ERBB4: variants seen among roughly 807,000 people sequenced by gnomAD.
ERBB4 encodes the protein receptor tyrosine-protein kinase erbB-4.
A neutral mutation model predicts 158.0 loss-of-function variants in ERBB4; 42 were observed. The observed-to-expected ratio is 0.27, with a 90% CI of 0.21 to 0.34. The LOEUF is 0.34. ERBB4 is among the 10% of genes least tolerant of loss of function. The pLI is 1.00. For synonymous variants in ERBB4, 583 were observed against 558.7 expected (o/e 1.04, Z -0.61); for missense variants, 1,333 against 1,624.1 (o/e 0.82, Z 3.08).
intron 2 of ERBB4, among the ~76,000 whole-genome samples, chr2:212,037,731 A>C (rs1010267551): frequency 1.3e-5 from 2 of 152,190 alleles, no homozygotes; most frequent in African/African-American, 4.8e-5. Context: ...TTTTGAAGTC[A>C]GGGGAAGGGA....
chr2:211,702,557 TTATG>T (rs1366479238), intron 11 of ERBB4, among the ~76,000 whole-genome samples: 1 of 152,164 alleles, frequency 6.6e-6, no homozygotes, highest in East Asian at 1.9e-4. Context: ...TAATTCCTCT[TTATG>T]TAATAGATTT....
At chr2:212,130,248 T>G (rs2080070260) in intron 1 of ERBB4, among the ~76,000 whole-genome samples, 1 of 152,152 alleles carries the variant, frequency 6.6e-6, no homozygotes, top group Non-Finnish European at 1.5e-5. Flanking sequence ...AATTTACATG[T>G]GATCCCTAAA....
chr2:211,831,247 C>A (rs1328293146), intron 3 of ERBB4, among the ~76,000 whole-genome samples: 1 of 152,108 alleles, frequency 6.6e-6, no homozygotes, highest in Non-Finnish European at 1.5e-5. Context: ...GCTACTGGGA[C>A]AACAAAGGCA....
At chr2:211,394,289 C>G (rs2062865777) in intron 25 of ERBB4, among the ~76,000 whole-genome samples, 1 of 152,282 alleles carries the variant, frequency 6.6e-6, no homozygotes, top group African/African-American at 2.4e-5. Context: ...AGATAAGCAA[C>G]AAGAATTGTG....
At chr2:211,442,694 CGT>C (rs1288573191) in intron 20 of ERBB4, among the ~76,000 whole-genome samples, 1 of 145,820 alleles carries the variant, frequency 6.9e-6, no homozygotes, top group African/African-American at 2.6e-5. Context: ...TATATGTATA[CGT>C]GTGTATATAT....
chr2:211,468,301 TACA>T (rs1477579018), intron 20 of ERBB4, among the ~76,000 whole-genome samples: 1 of 152,066 alleles, frequency 6.6e-6, no homozygotes, highest in Non-Finnish European at 1.5e-5. Flanking sequence ...AGAAGGAAAA[TACA>T]ACACTGCCAC....
intron 2 of ERBB4, among the ~76,000 whole-genome samples, chr2:212,114,006 GCTTA>G (rs2079500358): frequency 6.6e-6 from 1 of 151,994 alleles, no homozygotes; most frequent in African/African-American, 2.4e-5. Context: ...TATAAAATTT[GCTTA>G]CTTATTTATT....
At chr2:211,685,503 A>G (rs1195539342) in intron 12 of ERBB4, among the ~76,000 whole-genome samples, 4 of 152,214 alleles carry the variant, frequency 2.6e-5, no homozygotes, top group Non-Finnish European at 2.9e-5. Context: ...CCAATAACAC[A>G]CAGCCTTAAT....
intron 1 of ERBB4, among the ~76,000 whole-genome samples, chr2:212,334,999 T>G (rs2088359794): frequency 6.6e-6 from 1 of 151,984 alleles, no homozygotes; most frequent in Non-Finnish European, 1.5e-5. Flanking sequence ...AAAAATATAT[T>G]TTAAAGAAAA....
At chr2:212,350,154 T>C (rs1431028020) in intron 1 of ERBB4, among the ~76,000 whole-genome samples, 1 of 152,146 alleles carries the variant, frequency 6.6e-6, no homozygotes, top group African/African-American at 2.4e-5. Flanking sequence ...AAAAGTGCTA[T>C]AATCAAAGTA....
chr2:211,709,272 T>TAC (rs1553615201), intron 9 of ERBB4, among the ~76,000 whole-genome samples: 5 of 141,072 alleles, frequency 3.5e-5, no homozygotes, highest in African/African-American at 8.3e-5. Flanking sequence ...TATATATATA[T>TAC]ATACATACAT....
chr2:212,221,683 T>A (rs2083295200), intron 1 of ERBB4, among the ~76,000 whole-genome samples: 2 of 151,428 alleles, frequency 1.3e-5, no homozygotes, highest in South Asian at 4.1e-4. Context: ...GGAAAAATAA[T>A]CCATTTGAAA....
At chr2:212,102,090 T>TTTTATA (rs1553558604) in intron 2 of ERBB4, among the ~76,000 whole-genome samples, 7 of 107,978 alleles carry the variant, frequency 6.5e-5, no homozygotes, top group Admixed American at 2.0e-4. Context: ...AAAATTTATT[T>TTTTATA]TATATATATA....
chr2:211,443,037 C>T (rs999826169), intron 20 of ERBB4, among the ~76,000 whole-genome samples: 3 of 151,790 alleles, frequency 2.0e-5, no homozygotes, highest in Non-Finnish European at 2.9e-5. Flanking sequence ...AAATAATAGT[C>T]GATTGATTGA....
intron 7 of ERBB4, among the ~76,000 whole-genome samples, chr2:211,717,880 T>C (rs2073973268): frequency 6.6e-6 from 1 of 152,172 alleles, no homozygotes; most frequent in Non-Finnish European, 1.5e-5. Context: ...TCTTCGATTG[T>C]TATAATGGCT....
chr2:211,752,491 G>GAAAAAA (rs369728330), intron 4 of ERBB4, among the ~76,000 whole-genome samples: 3 of 119,508 alleles, frequency 2.5e-5, no homozygotes, highest in Non-Finnish European at 5.2e-5. Context: ...TACCTAACTG[G>GAAAAAA]AAAAAAAAAA....
chr2:212,051,572 CAACA>C (rs2077400664), intron 2 of ERBB4, among the ~76,000 whole-genome samples: 1 of 152,066 alleles, frequency 6.6e-6, no homozygotes, highest in Non-Finnish European at 1.5e-5. Flanking sequence ...AAGCAAATGA[CAACA>C]AAAATACTTT....
At chr2:211,787,892 G>T (rs531975140) in intron 4 of ERBB4, 133 bp downstream of exon 4, 25 of 807,796 alleles carry the variant, frequency 3.1e-5, no homozygotes, top group East Asian at 1.6e-4. Flanking sequence ...CATTTGTTCT[G>T]CCATATATAA....
intron 1 of ERBB4, among the ~76,000 whole-genome samples, chr2:212,397,492 A>AAAGGAAGG (rs35938197): frequency 0.027 from 4,005 of 145,876 alleles, 170 homozygotes; most frequent in African/African-American, 0.09. Context: ...AGAAAGAAAA[A>AAAGGAAGG]AAGGAAGGAA....
Sources: gnomAD v4.1 joint callset for allele counts (sites outside exome capture counted in the v4.1 genomes callset) on GRCh38, gnomAD v4.1.1 for gene constraint, MANE v1.5 for transcripts, NCBI Gene and HGNC (gene_info 2026-07-23, HGNC 2026-07-21) for gene names.